Variants in CDK14 observed in about 807,000 individuals in gnomAD.
The protein encoded by CDK14 is cyclin-dependent kinase 14.
A neutral mutation model predicts 60.7 loss-of-function variants in CDK14; 34 were observed. The observed-to-expected ratio is 0.56, with a 90% CI of 0.43 to 0.75. The LOEUF (loss-of-function observed/expected upper bound fraction) is 0.75. Among genes scored for constraint, CDK14 ranks in the 30% least tolerant of loss-of-function variants. The probability of loss-of-function intolerance (pLI) is 0.00; values close to 1 mark genes in which losing one functional copy is unlikely to be tolerated. For synonymous variants in CDK14, 197 were observed against 203.7 expected (o/e 0.97, Z 0.28); for missense variants, 482 against 564.1 (o/e 0.85, Z 1.47).
intron 14 of CDK14, among the ~76,000 whole-genome samples, chr7:91,161,262 G>A (rs1287718828): frequency 1.3e-5 from 2 of 152,204 alleles, no homozygotes; most frequent in African/African-American, 4.8e-5. Context: ...CCAAGGCGCA[G>A]AATCAGTGGT....
At chr7:91,205,521 CAG>C (rs1331270156) in intron 14 of CDK14, among the ~76,000 whole-genome samples, 1 of 152,082 alleles carries the variant, frequency 6.6e-6, no homozygotes, top group Non-Finnish European at 1.5e-5. Flanking sequence ...TAATAGTTGT[CAG>C]GGGCTGGGAC....
intron 5 of CDK14, among the ~76,000 whole-genome samples, chr7:90,814,244 C>T (rs1275849305): frequency 1.3e-5 from 2 of 151,890 alleles, no homozygotes; most frequent in African/African-American, 2.4e-5. Context: ...ATTAAAAGAG[C>T]TTTGAAACTG....
chr7:90,984,109 A>G, intron 9 of CDK14, 39 bp from the exon 10 acceptor site: 1 of 1,267,220 alleles, frequency 7.9e-7, no homozygotes, highest in Non-Finnish European at 1.2e-6. Flanking sequence ...TAAGCAGAAT[A>G]TATTGAAGTT....
chr7:90,709,457 A>G (rs1459373632), intron 2 of CDK14: 1 of 1,561,732 alleles, frequency 6.4e-7, no homozygotes, highest in East Asian at 2.3e-5. Context: ...TTTGGCTCCC[A>G]TTCTGTATTC....
intron 8 of CDK14, among the ~76,000 whole-genome samples, chr7:90,932,352 CAAAG>C (rs1186566923): frequency 1.3e-5 from 2 of 152,000 alleles, no homozygotes; most frequent in East Asian, 1.9e-4. Context: ...TTCATAAAAA[CAAAG>C]AAAAGAAAAA....
At chr7:91,096,234 A>T (rs1798988304) in intron 12 of CDK14, among the ~76,000 whole-genome samples, 1 of 152,106 alleles carries the variant, frequency 6.6e-6, no homozygotes. Context: ...ATTGCACATT[A>T]CTTCCAAGGT....
intron 5 of CDK14, among the ~76,000 whole-genome samples, chr7:90,794,633 G>T (rs922224253): frequency 5.9e-5 from 9 of 152,270 alleles, no homozygotes; most frequent in African/African-American, 2.2e-4. Flanking sequence ...TATCTCCCTT[G>T]TTCCCTGAAC....
At chr7:90,810,428 A>G (rs942172655) in intron 5 of CDK14, among the ~76,000 whole-genome samples, 1 of 152,238 alleles carries the variant, frequency 6.6e-6, no homozygotes. Flanking sequence ...ACAACCCTTC[A>G]TGCTAAAAAC....
At chr7:90,913,720 A>G (rs1792983463) in intron 7 of CDK14, among the ~76,000 whole-genome samples, 1 of 152,140 alleles carries the variant, frequency 6.6e-6, no homozygotes, top group East Asian at 1.9e-4. Context: ...GTGTTGACAG[A>G]CTTCAGTCTT....
chr7:90,681,656 G>A (rs1333096351), intron 2 of CDK14, among the ~76,000 whole-genome samples: 1 of 152,076 alleles, frequency 6.6e-6, no homozygotes, highest in Non-Finnish European at 1.5e-5. Context: ...AAAAAATAAA[G>A]TAATTGCATT....
At chr7:90,908,389 A>G (rs552294122) in intron 7 of CDK14, among the ~76,000 whole-genome samples, 1 of 152,168 alleles carries the variant, frequency 6.6e-6, no homozygotes, top group East Asian at 1.9e-4. Flanking sequence ...TAAACAGTAC[A>G]CTCTTTCCTA....
intron 14 of CDK14, among the ~76,000 whole-genome samples, chr7:91,161,325 T>C (rs2115744651): frequency 6.6e-6 from 1 of 152,230 alleles, no homozygotes; most frequent in South Asian, 2.1e-4. Flanking sequence ...GTGGGTTTCT[T>C]AGAGTGGGAT....
Position 91,039,478 on chromosome 7 carries a change from G to T in CDK14, c.1042-6419G>T, listed in dbSNP as rs76912813. Among the ~76,000 whole-genome samples the T allele has an allele frequency of 2.4e-3, 370 of 152,198 alleles. 1 individual carries two copies. The highest frequency in any genetic ancestry group is 4.1e-3 in the Non-Finnish European group (281 of 68,004). ...TAAGGATGGCCAGTGAAAAACGTGGGTCCCCTCCACCTCTGATTTCCAGCC... is the reference window on the plus strand; with the variant it reads ...TAAGGATGGCCAGTGAAAAACGTGGTTCCCCTCCACCTCTGATTTCCAGCC... On this transcript the variant is annotated intron_variant, in intron 10 of 14. Coordinates refer to ENST00000380050, the MANE Select transcript of CDK14 (RefSeq NM_001287135.2).
At chr7:91,085,344 G>A (rs982772340) in intron 12 of CDK14, among the ~76,000 whole-genome samples, 24 of 152,122 alleles carry the variant, frequency 1.6e-4, no homozygotes, top group Admixed American at 1.4e-3. Context: ...GTCTCCACCC[G>A]CTCAACGCCT....
At chr7:90,894,509 A>G (rs1473231604) in intron 6 of CDK14, among the ~76,000 whole-genome samples, 1 of 152,188 alleles carries the variant, frequency 6.6e-6, no homozygotes, top group Non-Finnish European at 1.5e-5. Flanking sequence ...ATTTCTAGAG[A>G]TGATCTTTTT....
intron 2 of CDK14, among the ~76,000 whole-genome samples, chr7:90,611,830 T>TA (rs1264095176): frequency 6.9e-6 from 1 of 145,972 alleles, no homozygotes; most frequent in East Asian, 2.1e-4. Context: ...TATCTTTGTG[T>TA]GTTTTTTTTT....
chr7:90,871,549 A>G (rs1791373032), intron 6 of CDK14, among the ~76,000 whole-genome samples: 1 of 152,190 alleles, frequency 6.6e-6, no homozygotes, highest in Admixed American at 6.5e-5. Flanking sequence ...TAATTCTTAG[A>G]AGAATGCTCA....
chr7:90,859,805 G>A (rs1790945998), intron 5 of CDK14, among the ~76,000 whole-genome samples: 2 of 151,986 alleles, frequency 1.3e-5, no homozygotes, highest in South Asian at 4.1e-4. Flanking sequence ...ATATGGCCTT[G>A]CTGTATTATT....
intron 5 of CDK14, among the ~76,000 whole-genome samples, chr7:90,814,549 G>A (rs1372565988): frequency 6.6e-6 from 1 of 152,194 alleles, no homozygotes; most frequent in African/African-American, 2.4e-5. Context: ...TTGGGAGCCT[G>A]AGGCAGGCAG....
Sources: allele counts gnomAD v4.1 joint callset (sites outside exome capture counted in the v4.1 genomes callset), GRCh38; gene constraint gnomAD v4.1.1; transcripts MANE v1.5; gene names NCBI Gene and HGNC (gene_info 2026-07-23, HGNC 2026-07-21).